The following MAP3K7 variants were observed in gnomAD, a reference collection of about 807,000 sequenced individuals.
MAP3K7 encodes the protein TGF-beta activated kinase 1.
In MAP3K7, 21 loss-of-function variants were observed where a neutral mutation model predicts 84.8. The ratio of observed to expected loss-of-function variants is 0.25; its 90% CI spans 0.18 to 0.36. MAP3K7 has a LOEUF of 0.36. Ranked by LOEUF, MAP3K7 falls within the 10% of genes least tolerant of loss-of-function variation. The pLI is 1.00. For synonymous variants in MAP3K7, 241 were observed against 247.7 expected, an observed-to-expected ratio of 0.97 and a Z score of 0.25; for missense variants, 503 against 747.7, an observed-to-expected ratio of 0.67 and a Z score of 3.82.
intron 13 of MAP3K7, among the ~76,000 whole-genome samples, chr6:90,525,212 A>C (rs1775281480): frequency 6.6e-6 from 1 of 152,142 alleles, no homozygotes; most frequent in Non-Finnish European, 1.5e-5. Context: ...AAAAAAAGAA[A>C]ACCAGGCAAA....
At chr6:90,549,760 C>G (rs1314415308) in intron 9 of MAP3K7, among the ~76,000 whole-genome samples, 1 of 152,062 alleles carries the variant, frequency 6.6e-6, no homozygotes, top group Non-Finnish European at 1.5e-5. Flanking sequence ...TTCAGTAAAA[C>G]TGGAATTTGA....
At position 90,575,828 on chromosome 6, in the gene MAP3K7, T is replaced by C. The variant is rs149432896; in HGVS notation, c.121-4021A>G. ...CTTGATGTTGAAAGAATAATGAACT[T>C]CGTTTGTTTACTCCTTAAACCAATA... On this transcript the variant is annotated intron_variant, in intron 1 of 16. Coordinates refer to ENST00000369329, the MANE Select transcript of MAP3K7 (RefSeq NM_145331.3). Among the ~76,000 whole-genome samples the C allele has an allele frequency of 2.6e-3, 391 of 152,240 alleles. 1 individual carries two copies. The highest frequency in any genetic ancestry group is 4.5e-3 in the Non-Finnish European group (304 of 68,012).
chr6:90,524,801 G>A (rs1775266730), intron 13 of MAP3K7, among the ~76,000 whole-genome samples: 1 of 152,018 alleles, frequency 6.6e-6, no homozygotes, highest in South Asian at 2.1e-4. Context: ...CAAACAAGAT[G>A]GCACTAAAAT....
At chr6:90,537,051 CT>C (rs1243578211) in intron 12 of MAP3K7, 2 of 151,962 alleles carry the variant, frequency 1.3e-5, no homozygotes, top group Non-Finnish European at 2.9e-5. Context: ...GCTTTAGAAA[CT>C]TCTATGTTTA....
At chr6:90,563,449 T>A (rs911878186) in intron 3 of MAP3K7, among the ~76,000 whole-genome samples, 3 of 152,178 alleles carry the variant, frequency 2.0e-5, no homozygotes, top group African/African-American at 7.2e-5. Flanking sequence ...GTAGCTGATT[T>A]GATCAAGTGG....
intron 1 of MAP3K7, among the ~76,000 whole-genome samples, chr6:90,576,390 T>C (rs1777077352): frequency 6.8e-6 from 1 of 147,144 alleles, no homozygotes; most frequent in Non-Finnish European, 1.5e-5. Context: ...GCCACTGAAC[T>C]CCAGCCTGGG....
chr6:90,583,460 A>G (rs570612474), intron 1 of MAP3K7, among the ~76,000 whole-genome samples: 2 of 152,180 alleles, frequency 1.3e-5, no homozygotes, highest in Non-Finnish European at 1.5e-5. Flanking sequence ...CTGCTTGTCA[A>G]TATCTGTACA....
rs759127532 is a variant in MAP3K7, at chr6:90,547,435, A to G, written c.1081-48T>C. 1.3e-6 allele frequency: 2 copies of G among 1,596,390 alleles called. 1 individual carries two copies. Among genetic ancestry groups the G allele is most frequent in the Admixed American group, 3.6e-5 (2 of 55,684 alleles). ...TGAATTACTGAAGTTCTTTAGATTT[A>G]GCAATCTTAGGCAACCTAAAAGGAG... On this transcript the variant is annotated intron_variant, in intron 10 of 16. Coordinates refer to ENST00000369329, the MANE Select transcript of MAP3K7 (RefSeq NM_145331.3).
At chr6:90,581,380 C>A (rs934026749) in intron 1 of MAP3K7, among the ~76,000 whole-genome samples, 2 of 152,050 alleles carry the variant, frequency 1.3e-5, no homozygotes, top group Non-Finnish European at 2.9e-5. Context: ...GCTGGAAATG[C>A]GGAACAAGAC....
Position 90,556,637 on chromosome 6 carries a change from A to AG in MAP3K7, c.483-14_483-13insC, listed in dbSNP as rs1356071937. 6.4e-7 allele frequency: 1 copy of AG among 1,573,866 alleles called. No individual in the cohort carries two copies. The highest frequency in any genetic ancestry group is 1.4e-5 in the African/African-American group (1 of 72,136). On this transcript the variant is annotated splice_polypyrimidine_tract_variant and intron_variant, in intron 5 of 16. Coordinates refer to ENST00000369329, the MANE Select transcript of MAP3K7 (RefSeq NM_145331.3). ...AACCAGCAGTAAGCTGTTTAAAAAA[A>AG]AACAAAAAACATCAAAAGTTACAAG...
intron 5 of MAP3K7, 60 bp from the exon 6 acceptor site, chr6:90,556,684 A>G: frequency 1.3e-6 from 2 of 1,500,120 alleles, no homozygotes. Context: ...ATTCTACAAT[A>G]AAAGAAGAGA....
Position 90,562,005 on chromosome 6 carries a change from C to T in MAP3K7, c.298-338G>A, listed in dbSNP as rs191536694. Among the ~76,000 whole-genome samples the T allele has an allele frequency of 4.0e-3, 612 of 152,246 alleles. 2 individuals are homozygous for T. The highest frequency in any genetic ancestry group is 0.014 in the African/African-American group (587 of 41,524). On this transcript the variant is annotated intron_variant, in intron 3 of 16. Transcript: ENST00000369329. ...ACAAAATCACCTAAAAGAACTCTTC[C>T]GATACAGTTTTGCTAAAAGACTAGA...
chr6:90,563,693 A>G (rs983523018), intron 3 of MAP3K7, among the ~76,000 whole-genome samples: 2 of 152,230 alleles, frequency 1.3e-5, no homozygotes, highest in African/African-American at 4.8e-5. Context: ...GCAGGCCAAC[A>G]TTCAAATTCA....
At chr6:90,520,258 G>A (rs1459018328) in intron 14 of MAP3K7, among the ~76,000 whole-genome samples, 3 of 152,112 alleles carry the variant, frequency 2.0e-5, no homozygotes, top group African/African-American at 7.2e-5. Flanking sequence ...TGAAGGAGTG[G>A]TGTGGATAAA....
chr6:90,542,290 T>G lies in MAP3K7; in HGVS notation c.1291+2262A>C, dbSNP rs1309273475. ...TGATTGGCTTTTATGTCCACTAGTG[T>G]CAATTCTACAGCTTGTATTCTTCTA... On this transcript the variant is annotated intron_variant, in intron 12 of 16. Coordinates refer to ENST00000369329, the MANE Select transcript of MAP3K7 (RefSeq NM_145331.3). 4.1e-6 allele frequency: 4 copies of G among 983,624 alleles called. No individual in the cohort carries two copies. In the Admixed American group the frequency reaches 2.5e-4, roughly 61 times the overall value. 60.9% of individuals were successfully genotyped at this position (983,624 alleles called of 1,614,324 possible).
intron 1 of MAP3K7, among the ~76,000 whole-genome samples, chr6:90,581,848 A>G (rs1167265105): frequency 6.6e-6 from 1 of 152,222 alleles, no homozygotes; most frequent in African/African-American, 2.4e-5. Context: ...CTCTAATACC[A>G]ATTCCCCATA....
At chr6:90,561,542 G>C in intron 4 of MAP3K7, 80 bp downstream of exon 4, 1 of 1,055,646 alleles carries the variant, frequency 9.5e-7, no homozygotes, top group Non-Finnish European at 1.4e-6. Context: ...TGTGAAGAAT[G>C]TTAAACAACT....
intron 5 of MAP3K7, among the ~76,000 whole-genome samples, chr6:90,556,914 G>C (rs1776354980): frequency 6.6e-6 from 1 of 152,008 alleles, no homozygotes; most frequent in Non-Finnish European, 1.5e-5. Context: ...CTTCTATCTG[G>C]CCAAAATAAA....
intron 3 of MAP3K7, among the ~76,000 whole-genome samples, chr6:90,566,278 G>C (rs1435852992): frequency 6.6e-6 from 1 of 151,788 alleles, no homozygotes; most frequent in Admixed American, 6.6e-5. Context: ...CAAATTGTCC[G>C]TTTGCAGATG....
Sources: allele counts gnomAD v4.1 joint callset (sites outside exome capture counted in the v4.1 genomes callset), GRCh38; gene constraint gnomAD v4.1.1; transcripts MANE v1.5; gene names NCBI Gene and HGNC (gene_info 2026-07-23, HGNC 2026-07-21).